Variants in PTPRD observed in about 807,000 individuals in gnomAD.
PTPRD encodes receptor-type tyrosine-protein phosphatase delta.
A neutral mutation model predicts 214.5 loss-of-function variants in PTPRD; 34 were observed. That is an observed-to-expected ratio of 0.16 (90% CI 0.12 to 0.21). The LOEUF (loss-of-function observed/expected upper bound fraction) is 0.21, where lower values mean the gene tolerates loss of function less well. Ranked by LOEUF, PTPRD falls within the 10% of genes least tolerant of loss-of-function variation. PTPRD has a pLI of 1.00. For synonymous variants in PTPRD, 1,128 were observed against 845.7 expected (o/e 1.33, Z -5.79); for missense variants, 2,545 against 2,398.7 (o/e 1.06, Z -1.27).
chr9:9,653,717 T>A (rs2096436327), intron 7 of PTPRD, among the ~76,000 whole-genome samples: 3 of 152,192 alleles, frequency 2.0e-5, no homozygotes. Context: ...ATGGTAAAAA[T>A]TAGTGTTTTG....
At chr9:9,496,774 G>A (rs2096211065) in intron 8 of PTPRD, among the ~76,000 whole-genome samples, 1 of 152,116 alleles carries the variant, frequency 6.6e-6, no homozygotes, top group African/African-American at 2.4e-5. Flanking sequence ...TACATTGAAA[G>A]CAGGGTCTTG....
intron 11 of PTPRD, among the ~76,000 whole-genome samples, chr9:8,895,857 G>A (rs1480119208): frequency 6.6e-6 from 1 of 152,202 alleles, no homozygotes; most frequent in Non-Finnish European, 1.5e-5. Context: ...TCACATTAAA[G>A]TTGGGCATTT....
At chr9:9,347,323 T>A (rs946140914) in intron 9 of PTPRD, among the ~76,000 whole-genome samples, 7 of 149,418 alleles carry the variant, frequency 4.7e-5, no homozygotes, top group African/African-American at 1.7e-4. Flanking sequence ...TATATATAAA[T>A]ATATATATAT....
intron 3 of PTPRD, among the ~76,000 whole-genome samples, chr9:10,113,603 AG>A (rs2098708333): frequency 6.6e-6 from 1 of 152,220 alleles, no homozygotes; most frequent in Admixed American, 6.5e-5. Context: ...CCAGACCTAG[AG>A]AAACAATCTC....
intron 11 of PTPRD, among the ~76,000 whole-genome samples, chr9:8,936,398 G>T (rs1217500081): frequency 9.6e-6 from 1 of 103,720 alleles, no homozygotes; most frequent in Non-Finnish European, 1.8e-5. Flanking sequence ...CTGCACTCCA[G>T]CCTAGGCAAC....
At chr9:10,145,456 A>C (rs1045594403) in intron 3 of PTPRD, among the ~76,000 whole-genome samples, 1 of 152,122 alleles carries the variant, frequency 6.6e-6, no homozygotes, top group Non-Finnish European at 1.5e-5. Context: ...AATAAATTGT[A>C]AACGTATTTT....
intron 5 of PTPRD, among the ~76,000 whole-genome samples, chr9:9,843,108 T>C (rs2058718199): frequency 6.6e-6 from 1 of 152,064 alleles, no homozygotes; most frequent in African/African-American, 2.4e-5. Context: ...TGGGCTATAA[T>C]GTCAGAGTTA....
At chr9:8,772,464 G>T (rs113947384) in intron 11 of PTPRD, among the ~76,000 whole-genome samples, 7,183 of 151,702 alleles carry the variant, frequency 0.047, 440 homozygotes, top group African/African-American at 0.14. Flanking sequence ...GCCTGGGCAA[G>T]ATAGTGAGAC....
At chr9:9,599,958 C>T (rs1165462636) in intron 7 of PTPRD, among the ~76,000 whole-genome samples, 2 of 151,954 alleles carry the variant, frequency 1.3e-5, no homozygotes, top group Admixed American at 1.3e-4. Flanking sequence ...AATATTGTTA[C>T]CATCTCAATT....
chr9:8,666,117 G>A (rs1247439101), intron 12 of PTPRD, among the ~76,000 whole-genome samples: 3 of 150,434 alleles, frequency 2.0e-5, no homozygotes, highest in Non-Finnish European at 4.4e-5. Flanking sequence ...AAAAGAATAT[G>A]CTATTTTGTC....
At chr9:10,548,858 G>A (rs2060710943) in intron 2 of PTPRD, among the ~76,000 whole-genome samples, 1 of 152,150 alleles carries the variant, frequency 6.6e-6, no homozygotes, top group Non-Finnish European at 1.5e-5. Context: ...GTATCTCACT[G>A]GAGAAATGGA....
chr9:10,034,712 A>G (rs1404232263), intron 3 of PTPRD, among the ~76,000 whole-genome samples: 4 of 152,082 alleles, frequency 2.6e-5, no homozygotes, highest in African/African-American at 9.7e-5. Flanking sequence ...TTCTAAGGAT[A>G]ATGGTCTCCG....
intron 10 of PTPRD, among the ~76,000 whole-genome samples, chr9:9,137,369 G>T (rs920512369): frequency 1.3e-5 from 2 of 152,088 alleles, no homozygotes; most frequent in Non-Finnish European, 2.9e-5. Context: ...TAATTGAGTA[G>T]ATGCTATCAA....
intron 9 of PTPRD, among the ~76,000 whole-genome samples, chr9:9,379,803 T>C (rs2061696924): frequency 1.3e-5 from 2 of 152,060 alleles, no homozygotes; most frequent in Non-Finnish European, 2.9e-5. Context: ...ATGTAAGTGT[T>C]ATTTTGTTTT....
intron 14 of PTPRD, among the ~76,000 whole-genome samples, chr9:8,599,656 T>A (rs1282332052): frequency 7.2e-6 from 1 of 138,412 alleles, no homozygotes; most frequent in African/African-American, 2.7e-5. Context: ...GGAGTTTCAC[T>A]CTTGTTGCCC....
intron 2 of PTPRD, among the ~76,000 whole-genome samples, chr9:10,562,426 T>G (rs907750888): frequency 3.3e-5 from 5 of 152,068 alleles, no homozygotes; most frequent in African/African-American, 9.7e-5. Flanking sequence ...TATGTTTGTC[T>G]GTTTTGTTAA....
intron 14 of PTPRD, among the ~76,000 whole-genome samples, chr9:8,582,358 A>ATGAC (rs2093242210): frequency 6.6e-6 from 1 of 152,244 alleles, no homozygotes; most frequent in Admixed American, 6.5e-5. Flanking sequence ...TTTTTTGAAC[A>ATGAC]TGACACAAAA....
At chr9:9,795,279 A>G (rs2098994629) in intron 5 of PTPRD, among the ~76,000 whole-genome samples, 1 of 152,180 alleles carries the variant, frequency 6.6e-6, no homozygotes, top group African/African-American at 2.4e-5. Context: ...GGGTATATTG[A>G]GTTTTAGAAT....
chr9:8,550,939 T>C (rs528922139), intron 14 of PTPRD, among the ~76,000 whole-genome samples: 3 of 152,348 alleles, frequency 2.0e-5, no homozygotes, highest in East Asian at 3.9e-4. Context: ...GCTTATGCTA[T>C]AGCTCTCATA....
Sources: gnomAD v4.1 joint callset for allele counts (sites outside exome capture counted in the v4.1 genomes callset) on GRCh38, gnomAD v4.1.1 for gene constraint, MANE v1.5 for transcripts, NCBI Gene and HGNC (gene_info 2026-07-23, HGNC 2026-07-21) for gene names.